MICALL1: variants seen among roughly 807,000 people sequenced by gnomAD.
MICALL1 encodes the protein MICAL-like protein 1.
Under a neutral mutation model 83.7 loss-of-function variants are expected in MICALL1, and 61 were observed. That is an observed-to-expected ratio of 0.73 (90% CI 0.59 to 0.90). The LOEUF (loss-of-function observed/expected upper bound fraction) is 0.90. Among genes scored for constraint, MICALL1 ranks in the 40% least tolerant of loss-of-function variants. The pLI is 0.00. For missense variants in MICALL1, 1,066 were observed against 1,152.0 expected, an observed-to-expected ratio of 0.93 and a Z score of 1.08; for synonymous variants, 481 against 473.6, an observed-to-expected ratio of 1.02 and a Z score of -0.20.
chr22:37,913,474 A>G (rs567325235), intron 3 of MICALL1, among the ~76,000 whole-genome samples: 1 of 152,178 alleles, frequency 6.6e-6, no homozygotes, highest in Non-Finnish European at 1.5e-5. Flanking sequence ...CTGTTTGCAG[A>G]CACTTCCTTG....
intron 5 of MICALL1, among the ~76,000 whole-genome samples, chr22:37,920,384 C>T (rs541873515): frequency 1.8e-3 from 272 of 152,008 alleles, no homozygotes; most frequent in African/African-American, 6.2e-3. Flanking sequence ...GGAACCTGAC[C>T]GCAGAATTGG....
intron 3 of MICALL1, among the ~76,000 whole-genome samples, chr22:37,915,384 TA>T (rs1242012605): frequency 4.6e-5 from 7 of 152,200 alleles, no homozygotes. Context: ...ATGTATATTT[TA>T]ATAGAAAACA....
chr22:37,911,035 G>A (rs1026023489), intron 1 of MICALL1, among the ~76,000 whole-genome samples: 5 of 152,206 alleles, frequency 3.3e-5, no homozygotes, highest in East Asian at 3.9e-4. Flanking sequence ...GAGGCTGCCC[G>A]GCGGGAAGAC....
At chr22:37,938,434 A>G (rs916310257) in intron 15 of MICALL1, among the ~76,000 whole-genome samples, 31 of 150,228 alleles carry the variant, frequency 2.1e-4, no homozygotes, top group Non-Finnish European at 3.7e-4. Flanking sequence ...CTGGACTGTA[A>G]GTCAAAGGAT....
intron 3 of MICALL1, among the ~76,000 whole-genome samples, chr22:37,915,483 G>T (rs1928618405): frequency 6.6e-6 from 1 of 152,042 alleles, no homozygotes. Flanking sequence ...TTTTCACTCT[G>T]CCATTTCCTC....
chr22:37,906,449 G>T lies in MICALL1; in HGVS notation c.27G>T (p.Leu9=). The T allele has an allele frequency of 8.4e-7, 1 of 1,197,356 alleles. No individual in the cohort carries two copies. The highest frequency in any genetic ancestry group is 1.0e-6 in the Non-Finnish European group (1 of 962,604). 74.2% of individuals were successfully genotyped at this position (1,197,356 alleles called of 1,614,324 possible). Residue 9 remains leucine (L), a synonymous_variant, in exon 1 of 16, where the codon CTG becomes CTT. Transcript: ENST00000215957. The surrounding 1 kb of genome is among the most constrained non-coding windows in gnomAD (Gnocchi z 4.4). MAGPRGAL[L]AWCRRQCEGY... ...TGGCTGGGCCGCGGGGCGCGCTGCT[G>T]GCCTGGTGCCGCCGCCAGTGCGAGG...
chr22:37,941,322 A>G lies in MICALL1; in HGVS notation c.*492A>G, dbSNP rs2145677184. 6.4e-6 allele frequency: 1 copy of G among 156,836 alleles called. No individual in the cohort carries two copies. Among genetic ancestry groups the G allele is most frequent in the Admixed American group, 6.1e-5 (1 of 16,346 alleles). 9.7% of individuals were successfully genotyped at this position (156,836 alleles called of 1,614,324 possible). A position where few individuals can be genotyped will look rare whatever the true frequency, so the allele number is the denominator to read the frequency against. ...TCCTGTGCAGGCGCCCTTGGATCTC[A>G]GTTTCCCTCACTCAGGAACTCTGTT... On this transcript the variant is annotated 3_prime_UTR_variant, in exon 16 of 16. Transcript: ENST00000215957.
Position 37,909,626 on chromosome 22 carries a change from G to A in MICALL1, c.147-2326G>A, listed in dbSNP as rs555246114. ...ACCTGCCTTGGCCTCCCAAAGTGCT[G>A]GGATTATAGGTGTGAGCCACCGCGC... On this transcript the variant is annotated intron_variant, in intron 1 of 15. Coordinates refer to ENST00000215957, the MANE Select transcript of MICALL1 (RefSeq NM_033386.4). Among the ~76,000 whole-genome samples the A allele has an allele frequency of 2.0e-5, 3 of 152,178 alleles. No homozygotes were observed. The South Asian group carries it at 6.2e-4, about 32-fold the overall frequency.
At chr22:37,909,365 G>GT (rs61091558) in intron 1 of MICALL1, among the ~76,000 whole-genome samples, 7,862 of 141,460 alleles carry the variant, frequency 0.056, 682 homozygotes, top group African/African-American at 0.19. Context: ...AGCCACGTAG[G>GT]TTTTTTTTTT....
chr22:37,929,749 C>T (rs1003846843), intron 9 of MICALL1, among the ~76,000 whole-genome samples: 1 of 152,236 alleles, frequency 6.6e-6, no homozygotes, highest in Admixed American at 6.5e-5. Context: ...TGTCTTGCAG[C>T]CACAGCGCCT....
intron 14 of MICALL1, among the ~76,000 whole-genome samples, chr22:37,937,418 C>CTTTTTTTT (rs34844677): frequency 1.8e-5 from 2 of 113,402 alleles, no homozygotes; most frequent in Admixed American, 1.0e-4. Flanking sequence ...GCTGCCGCTG[C>CTTTTTTTT]TTTTTTTTTT....
At chr22:37,912,113 G>T in intron 2 of MICALL1, 113 bp downstream of exon 2, 3 of 1,300,146 alleles carry the variant, frequency 2.3e-6, no homozygotes, top group Non-Finnish European at 3.3e-6. Context: ...TTGTACACCG[G>T]CCCTGGCTGC....
At position 37,933,909 on chromosome 22, in the gene MICALL1, C is replaced by T. The variant is rs148690704; in HGVS notation, c.2308+797C>T. Reference sequence around the variant, plus strand: ...TGATCTGGGGCTGTCCCTGCACACACAGCCCCTCCAGACTGTGGGGATGGT... The same window carrying T: ...TGATCTGGGGCTGTCCCTGCACACATAGCCCCTCCAGACTGTGGGGATGGT... On this transcript the variant is annotated intron_variant, in intron 13 of 15. Transcript: ENST00000215957. Among the ~76,000 whole-genome samples the T allele has an allele frequency of 7.2e-5, 11 of 152,352 alleles. No homozygotes were observed. The East Asian group carries it at 1.7e-3, about 24-fold the overall frequency.
In MICALL1 at chr22:37,932,790, G is replaced by C. The variant is rs755827483; in HGVS notation, c.2144-8G>C. ...CAGCCCTGGCCTCAGTGGGTATCTG[G>C]CTTCCAGAGGGCCGTGAGGATGACA... On this transcript the variant is annotated splice_region_variant and splice_polypyrimidine_tract_variant and intron_variant, in intron 11 of 15. Coordinates refer to ENST00000215957, the MANE Select transcript of MICALL1 (RefSeq NM_033386.4). This position sits in a 1 kb window ranked among gnomAD's most constrained non-coding sequence, Gnocchi z 4.4. The C allele has an allele frequency of 1.2e-6, 2 of 1,613,966 alleles. No homozygotes were observed. The highest frequency in any genetic ancestry group is 2.2e-5 in the East Asian group (1 of 44,854).
intron 1 of MICALL1, among the ~76,000 whole-genome samples, chr22:37,909,774 G>A (rs763620995): frequency 6.6e-6 from 1 of 152,262 alleles, no homozygotes; most frequent in African/African-American, 2.4e-5. Context: ...TATTGCCAGC[G>A]CATTGCACAG....
intron 1 of MICALL1, among the ~76,000 whole-genome samples, chr22:37,911,569 G>T (rs1928323383): frequency 6.6e-6 from 1 of 152,196 alleles, no homozygotes; most frequent in African/African-American, 2.4e-5. Context: ...CTGCGCCCTG[G>T]GGGAGGTCAC....
chr22:37,939,915 C>T (rs532185284), intron 15 of MICALL1, among the ~76,000 whole-genome samples: 2 of 151,550 alleles, frequency 1.3e-5, no homozygotes, highest in Admixed American at 6.6e-5. Flanking sequence ...CATGGTGTAA[C>T]CCCGTCTCTA....
chr22:37,910,881 C>T (rs1462339106), intron 1 of MICALL1, among the ~76,000 whole-genome samples: 2 of 152,222 alleles, frequency 1.3e-5, no homozygotes, highest in Non-Finnish European at 2.9e-5. Flanking sequence ...GGAAGGACTG[C>T]TGATCCCCCC....
At position 37,936,552 on chromosome 22, in the gene MICALL1, C is replaced by A. The variant is rs555016370; in HGVS notation, c.2309-528C>A. Among the ~76,000 whole-genome samples, 10 of 152,324 alleles carry A rather than the reference C, an allele frequency of 6.6e-5. No individual in the cohort carries two copies. In the South Asian group the frequency reaches 2.1e-3, roughly 32 times the overall value. ...CCTTGCAGGGCTCTTTGGTAGGCAG[C>A]CTGGTGTCCTTGGTCTCTTCTGTCA... On this transcript the variant is annotated intron_variant, in intron 13 of 15. Transcript: ENST00000215957.
Sources: allele counts gnomAD v4.1 joint callset (sites outside exome capture counted in the v4.1 genomes callset), GRCh38; gene constraint gnomAD v4.1.1; non-coding constraint Gnocchi (gnomAD v3.1); transcripts MANE v1.5; gene names NCBI Gene and HGNC (gene_info 2026-07-23, HGNC 2026-07-21).